Variants in RASGRP1 observed in about 807,000 individuals in gnomAD.
RASGRP1 encodes the protein RAS guanyl releasing protein 1.
A neutral mutation model predicts 95.1 loss-of-function variants in RASGRP1; 37 were observed. That is an observed-to-expected ratio of 0.39 (90% CI 0.30 to 0.51). The LOEUF (loss-of-function observed/expected upper bound fraction) is 0.51. Among genes scored for constraint, RASGRP1 ranks in the 20% least tolerant of loss-of-function variants. RASGRP1 has a pLI of 0.80. For synonymous variants in RASGRP1, 325 were observed against 353.4 expected (o/e 0.92, Z 0.90); for missense variants, 711 against 965.4 (o/e 0.74, Z 3.49).
intron 10 of RASGRP1, chr15:38,504,095 T>A (rs1891154932): frequency 6.6e-6 from 1 of 152,012 alleles, no homozygotes; most frequent in African/African-American, 2.4e-5. Flanking sequence ...GTATAGAAAT[T>A]TTTTTTTAAT....
intron 15 of RASGRP1, among the ~76,000 whole-genome samples, chr15:38,495,015 T>G (rs981241568): frequency 6.6e-6 from 1 of 152,196 alleles, no homozygotes; most frequent in African/African-American, 2.4e-5. Context: ...AAAGGTTGCT[T>G]AGAGGGTTTC....
chr15:38,557,640 T>TATAC (rs1006883213), intron 2 of RASGRP1, among the ~76,000 whole-genome samples: 3 of 152,014 alleles, frequency 2.0e-5, no homozygotes, highest in Admixed American at 6.6e-5. Context: ...TATATATATA[T>TATAC]ATATATTTCC....
At chr15:38,500,384 C>G (rs1005269898) in intron 13 of RASGRP1, among the ~76,000 whole-genome samples, 6 of 152,024 alleles carry the variant, frequency 3.9e-5, no homozygotes, top group African/African-American at 1.5e-4. Context: ...CCCAGTTGCC[C>G]AGGCTGGAGT....
chr15:38,527,798 G>A (rs1001319709), intron 2 of RASGRP1, among the ~76,000 whole-genome samples: 2 of 151,962 alleles, frequency 1.3e-5, no homozygotes, highest in Non-Finnish European at 2.9e-5. Flanking sequence ...ATATCTCATT[G>A]AGAAAATATA....
chr15:38,549,617 C>A (rs1893246411), intron 2 of RASGRP1, among the ~76,000 whole-genome samples: 1 of 149,932 alleles, frequency 6.7e-6, no homozygotes, highest in African/African-American at 2.5e-5. Context: ...TTTCTGGTGA[C>A]TGCATTCTTT....
At chr15:38,563,676 G>C (rs746950213) in intron 1 of RASGRP1, among the ~76,000 whole-genome samples, 2 of 152,188 alleles carry the variant, frequency 1.3e-5, no homozygotes, top group South Asian at 2.1e-4. Context: ...TCTGAATCTA[G>C]TGCAAAGTAC....
chr15:38,510,048 AGT>A (rs1367964709), intron 8 of RASGRP1, among the ~76,000 whole-genome samples: 1 of 152,212 alleles, frequency 6.6e-6, no homozygotes, highest in Non-Finnish European at 1.5e-5. Flanking sequence ...ACAAGACAAG[AGT>A]GTAACAGCAA....
intron 9 of RASGRP1, among the ~76,000 whole-genome samples, chr15:38,506,787 A>C (rs1157085135): frequency 1.3e-5 from 2 of 152,238 alleles, no homozygotes; most frequent in Non-Finnish European, 2.9e-5. Flanking sequence ...ATGCATATTT[A>C]AAAATAAATG....
intron 2 of RASGRP1, among the ~76,000 whole-genome samples, chr15:38,530,591 C>A (rs7403047): frequency 0.92 from 139,343 of 152,268 alleles, 63,943 homozygotes; most frequent in Non-Finnish European, 0.95. Context: ...GGAACTGTGA[C>A]ATATACTTGT....
intron 12 of RASGRP1, chr15:38,501,507 G>T (rs1294197985): frequency 1.5e-6 from 1 of 684,186 alleles, no homozygotes; most frequent in Non-Finnish European, 2.6e-6. Flanking sequence ...CCACAGAGGT[G>T]TTCTTTGGCC....
chr15:38,546,123 T>G (rs949255838), intron 2 of RASGRP1, among the ~76,000 whole-genome samples: 12 of 152,254 alleles, frequency 7.9e-5, no homozygotes, highest in Admixed American at 7.2e-4. Context: ...ACACTAACAC[T>G]TAACAAGTCT....
chr15:38,523,777 C>T (rs1892087994), intron 3 of RASGRP1, among the ~76,000 whole-genome samples: 1 of 152,186 alleles, frequency 6.6e-6, no homozygotes, highest in Admixed American at 6.6e-5. Context: ...CCATGTGCTA[C>T]AACCACCTAC....
chr15:38,531,772 G>C (rs528697660), intron 2 of RASGRP1, among the ~76,000 whole-genome samples: 1 of 151,894 alleles, frequency 6.6e-6, no homozygotes, highest in Non-Finnish European at 1.5e-5. Flanking sequence ...ACCCAGTCCA[G>C]AACTCCGAGG....
At chr15:38,526,064 A>G (rs550101727) in intron 3 of RASGRP1, among the ~76,000 whole-genome samples, 1 of 152,264 alleles carries the variant, frequency 6.6e-6, no homozygotes, top group African/African-American at 2.4e-5. Context: ...GTGCTTGCAT[A>G]TTGATTTCTT....
At position 38,498,794 on chromosome 15, in the gene RASGRP1, C is replaced by T. The variant is rs1566909591; in HGVS notation, c.1873G>A (p.Ala625Thr). 1 of 1,612,654 alleles carries T rather than the reference C, an allele frequency of 6.2e-7. No individual in the cohort carries two copies. Among genetic ancestry groups the T allele is most frequent in the East Asian group, 2.2e-5 (1 of 44,846 alleles). Residue 625 changes from alanine (A) to threonine (T), a missense_variant and splice_region_variant, in exon 15 of 17, where the codon GCA (alanine) becomes ACA (threonine). Ala to Thr is a moderately conservative substitution (Grantham distance 58, BLOSUM62 0). Coordinates refer to ENST00000310803, the MANE Select transcript of RASGRP1 (RefSeq NM_005739.4). Reference sequence around the variant, plus strand: ...ATGAATGTTCCCAGTGCCTACTTACCATGGAGCAGATCTTTGGCTCCCAAT... The same window carrying T: ...ATGAATGTTCCCAGTGCCTACTTACTATGGAGCAGATCTTTGGCTCCCAAT... ...CSLGAKDLLH[A>T]PEEGPFTFPN...
chr15:38,511,951 G>T (rs1454181998), intron 7 of RASGRP1, among the ~76,000 whole-genome samples: 1 of 152,148 alleles, frequency 6.6e-6, no homozygotes, highest in Non-Finnish European at 1.5e-5. Flanking sequence ...CTGATCTGTG[G>T]ACCACCTTCT....
chr15:38,504,357 G>A (rs1891167262), intron 10 of RASGRP1: 1 of 152,010 alleles, frequency 6.6e-6, no homozygotes. Flanking sequence ...TTAGCTTAAA[G>A]CACACATTGT....
At chr15:38,560,382 G>T (rs2141201124) in intron 1 of RASGRP1, 1 of 258,858 alleles carries the variant, frequency 3.9e-6, no homozygotes, top group East Asian at 1.0e-4. Context: ...ATTTACATTG[G>T]TTTCTTTGGC....
At chr15:38,546,656 A>G (rs1353822749) in intron 2 of RASGRP1, among the ~76,000 whole-genome samples, 1 of 152,232 alleles carries the variant, frequency 6.6e-6, no homozygotes, top group Non-Finnish European at 1.5e-5. Context: ...TAAAGTTACT[A>G]TGTGTCAGCA....
Sources: gnomAD v4.1 joint callset for allele counts (sites outside exome capture counted in the v4.1 genomes callset) on GRCh38, gnomAD v4.1.1 for gene constraint, MANE v1.5 for transcripts, NCBI Gene and HGNC (gene_info 2026-07-23, HGNC 2026-07-21) for gene names.